IFNGR2: variants seen among roughly 807,000 people sequenced by gnomAD.
IFNGR2 encodes the protein IFN-gamma receptor 2.
In IFNGR2, 15 loss-of-function variants were observed where a neutral mutation model predicts 41.1. That is an observed-to-expected ratio of 0.37 (90% CI 0.24 to 0.56). The LOEUF is 0.56. Among genes scored for constraint, IFNGR2 ranks in the 20% least tolerant of loss-of-function variants. The probability of loss-of-function intolerance (pLI) is 0.81; values close to 1 mark genes in which losing one functional copy is unlikely to be tolerated. For synonymous variants in IFNGR2, 161 were observed against 171.6 expected (o/e 0.94, Z 0.48); for missense variants, 362 against 415.7 (o/e 0.87, Z 1.12).
Position 33,436,998 on chromosome 21 carries a change from A to G in IFNGR2, c.*36A>G. ...GGGCCTAGCCCACTGGCTCCCTGGA[A>G]GAGATCAAGCCATCGGAGCTGCTAG... is the stretch of plus-strand genomic sequence containing the variant. On this transcript the variant is annotated 3_prime_UTR_variant, in exon 7 of 7. Transcript: ENST00000290219. 6.2e-7 allele frequency: 1 copy of G among 1,611,140 alleles called. No homozygotes were observed. Among genetic ancestry groups the G allele is most frequent in the Non-Finnish European group, 8.5e-7 (1 of 1,177,480 alleles).
chr21:33,417,141 G>C (rs986097915), intron 2 of IFNGR2, among the ~76,000 whole-genome samples: 5 of 151,572 alleles, frequency 3.3e-5, no homozygotes, highest in Admixed American at 3.3e-4. Flanking sequence ...CCCCAGGCTG[G>C]AGTGCAGTGG....
intron 6 of IFNGR2, among the ~76,000 whole-genome samples, chr21:33,434,083 G>GAAAGA (rs772610471): frequency 2.9e-4 from 44 of 152,176 alleles, no homozygotes; most frequent in Non-Finnish European, 4.9e-4. Flanking sequence ...AAGGACTTGA[G>GAAAGA]AAAGAACAGT....
intron 4 of IFNGR2, among the ~76,000 whole-genome samples, chr21:33,429,015 C>T (rs2083863373): frequency 1.3e-5 from 2 of 152,186 alleles, no homozygotes; most frequent in African/African-American, 4.8e-5. Flanking sequence ...ATGAAGAGCA[C>T]ACAGAACAGG....
chr21:33,423,197 A>G (rs1429017330), intron 3 of IFNGR2, among the ~76,000 whole-genome samples: 15 of 150,062 alleles, frequency 1.0e-4, no homozygotes, highest in East Asian at 2.0e-4. Context: ...CCGCCACCAC[A>G]CCCGGCTAAT....
At chr21:33,410,037 CA>C (rs1179213507) in intron 1 of IFNGR2, among the ~76,000 whole-genome samples, 1 of 152,012 alleles carries the variant, frequency 6.6e-6, no homozygotes, top group Non-Finnish European at 1.5e-5. Flanking sequence ...GCGAACATAC[CA>C]GTAAGTTCCT....
chr21:33,408,341 A>G (rs1404654596), intron 1 of IFNGR2, among the ~76,000 whole-genome samples: 1 of 151,992 alleles, frequency 6.6e-6, no homozygotes, highest in Non-Finnish European at 1.5e-5. Context: ...TGATTACAGT[A>G]TGCACCACCG....
intron 4 of IFNGR2, among the ~76,000 whole-genome samples, chr21:33,428,271 G>A (rs985550655): frequency 6.7e-6 from 1 of 149,766 alleles, no homozygotes; most frequent in Admixed American, 6.7e-5. Context: ...GCCCAGGCTA[G>A]AGTACTGTGG....
At chr21:33,433,682 T>C (rs1242340861) in intron 6 of IFNGR2, among the ~76,000 whole-genome samples, 1 of 152,156 alleles carries the variant, frequency 6.6e-6, no homozygotes, top group African/African-American at 2.4e-5. Flanking sequence ...TGGAGATGGA[T>C]GGTGGTCATG....
intron 1 of IFNGR2, chr21:33,411,593 A>G (rs2083716441): frequency 2.2e-6 from 1 of 456,368 alleles, no homozygotes; most frequent in South Asian, 1.6e-5. Flanking sequence ...AAGAGCCCTG[A>G]TGTGGGGAGA....
At chr21:33,403,659 C>T (rs2083657294) in intron 1 of IFNGR2, 43 bp downstream of exon 1, 2 of 1,255,110 alleles carry the variant, frequency 1.6e-6, no homozygotes, top group East Asian at 3.3e-5. Flanking sequence ...CGGGCGCAGC[C>T]GCAGCATGTG....
At chr21:33,408,316 C>A (rs532225200) in intron 1 of IFNGR2, among the ~76,000 whole-genome samples, 1 of 152,088 alleles carries the variant, frequency 6.6e-6, no homozygotes, top group Non-Finnish European at 1.5e-5. Flanking sequence ...CCTGCCTCAG[C>A]CTCCCAAGTA....
upstream of IFNGR2, chr21:33,403,121 C>A: frequency 6.8e-6 from 1 of 146,202 alleles, no homozygotes; most frequent in Non-Finnish European, 1.5e-5. Context: ...GTGGGGGCTC[C>A]AGGGAAAGCC....
chr21:33,414,833 T>G, intron 1 of IFNGR2, 55 bp from the exon 2 acceptor site: 1 of 1,543,628 alleles, frequency 6.5e-7, no homozygotes, highest in Non-Finnish European at 8.8e-7. Context: ...TTTTTGTAAT[T>G]ATTTCCCTCT....
intron 3 of IFNGR2, among the ~76,000 whole-genome samples, chr21:33,425,233 T>G (rs2083826061): frequency 6.6e-6 from 1 of 152,156 alleles, no homozygotes; most frequent in Non-Finnish European, 1.5e-5. Context: ...GATACCCTTA[T>G]TTGGCAGTGA....
At chr21:33,427,777 C>T (rs932746771) in intron 4 of IFNGR2, among the ~76,000 whole-genome samples, 2 of 148,800 alleles carry the variant, frequency 1.3e-5, no homozygotes, top group African/African-American at 2.5e-5. Context: ...TAAGAGCTTA[C>T]ATTTATTGAG....
At chr21:33,420,433 A>G (rs1329090711) in intron 2 of IFNGR2, among the ~76,000 whole-genome samples, 1 of 151,786 alleles carries the variant, frequency 6.6e-6, no homozygotes, top group East Asian at 1.9e-4. Flanking sequence ...TGGCATTGGG[A>G]CTCTGGGAAA....
At chr21:33,404,904 C>T (rs2083666385) in intron 1 of IFNGR2, among the ~76,000 whole-genome samples, 1 of 152,082 alleles carries the variant, frequency 6.6e-6, no homozygotes, top group Non-Finnish European at 1.5e-5. Flanking sequence ...GAGGCAGCAT[C>T]ATGAGGTCAG....
chr21:33,411,934 G>GA (rs1267850362), intron 1 of IFNGR2, among the ~76,000 whole-genome samples: 3 of 152,150 alleles, frequency 2.0e-5, no homozygotes, highest in Non-Finnish European at 4.4e-5. Context: ...GAGATGGGGG[G>GA]ATCTCGCTAT....
intron 3 of IFNGR2, 143 bp downstream of exon 3, chr21:33,421,828 C>T (rs944139217): frequency 4.0e-6 from 3 of 759,396 alleles, no homozygotes; most frequent in Non-Finnish European, 7.0e-6. Flanking sequence ...CACACTCTGA[C>T]CTTGGAGGCT....
Sources: gnomAD v4.1 joint callset for allele counts (sites outside exome capture counted in the v4.1 genomes callset) on GRCh38, gnomAD v4.1.1 for gene constraint, MANE v1.5 for transcripts, NCBI Gene and HGNC (gene_info 2026-07-23, HGNC 2026-07-21) for gene names.